Variants in C12orf56 observed in about 807,000 individuals in gnomAD.
C12orf56 encodes chromosome 12 open reading frame 56.
In C12orf56, 71 loss-of-function variants were observed where a neutral mutation model predicts 69.9. The ratio of observed to expected loss-of-function variants is 1.02; its 90% confidence interval spans 0.84 to 1.24. The LOEUF is 1.24. Among genes scored for constraint, C12orf56 ranks in the 50% most tolerant of loss-of-function variants. The probability of loss-of-function intolerance (pLI) is 0.00; values close to 1 mark genes in which losing one functional copy is unlikely to be tolerated. For missense variants in C12orf56, 732 were observed against 738.5 expected (o/e 0.99, Z 0.10); for synonymous variants, 276 against 274.1 (o/e 1.01, Z -0.07).
chr12:64,338,158 C>T (rs570697388), intron 2 of C12orf56: 22 of 564,314 alleles, frequency 3.9e-5, no homozygotes, highest in South Asian at 2.9e-4. Flanking sequence ...GGACGAGCTC[C>T]ACCTCCCGAA....
chr12:64,277,559 G>T, intron 9 of C12orf56, 121 bp downstream of exon 9: 1 of 633,506 alleles, frequency 1.6e-6, no homozygotes, highest in Non-Finnish European at 2.2e-6. Context: ...AATGACAAAA[G>T]ATCTACTCTT....
intron 8 of C12orf56, among the ~76,000 whole-genome samples, chr12:64,281,467 G>C (rs575807330): frequency 6.6e-6 from 1 of 152,192 alleles, no homozygotes; most frequent in South Asian, 2.1e-4. Flanking sequence ...AGCTACTTGA[G>C]AGGCTGAGGC....
chr12:64,267,114 T>C lies in C12orf56; in HGVS notation c.*69A>G. ...TATTAAACAAATAAAAAAATGTTTC[T>C]CGTGAATATCAAGTTGACTCTTGAT... is the stretch of plus-strand genomic sequence containing the variant. On this transcript the variant is annotated 3_prime_UTR_variant, in exon 13 of 13. Coordinates refer to ENST00000543942, the MANE Select transcript of C12orf56 (RefSeq NM_001170633.2). 1 of 1,166,504 alleles carries C rather than the reference T, an allele frequency of 8.6e-7. No individual in the cohort carries two copies. Among genetic ancestry groups the C allele is most frequent in the Non-Finnish European group, 1.2e-6 (1 of 826,864 alleles). The allele number at this position is 1,166,504 out of a possible 1,614,324, so 72.3% of individuals were successfully genotyped here.
At chr12:64,332,055 A>G (rs2038937606) in intron 2 of C12orf56, among the ~76,000 whole-genome samples, 1 of 152,092 alleles carries the variant, frequency 6.6e-6, no homozygotes, top group African/African-American at 2.4e-5. Flanking sequence ...TTGTAATTAC[A>G]GCAGTTTGGG....
chr12:64,308,100 C>T (rs2038540125), intron 5 of C12orf56, among the ~76,000 whole-genome samples: 1 of 151,706 alleles, frequency 6.6e-6, no homozygotes. Flanking sequence ...AGGTGGATTG[C>T]CTGAGCTTAG....
At chr12:64,353,929 C>A (rs1254274983) in intron 1 of C12orf56, among the ~76,000 whole-genome samples, 45 of 152,310 alleles carry the variant, frequency 3.0e-4, no homozygotes, top group Non-Finnish European at 2.9e-5. Context: ...GATCCACCTG[C>A]CTCGGCCTCC....
At chr12:64,375,796 T>C (rs1194644583) in intron 1 of C12orf56, among the ~76,000 whole-genome samples, 4 of 152,118 alleles carry the variant, frequency 2.6e-5, no homozygotes, top group African/African-American at 9.7e-5. Context: ...TAAAGTGTCA[T>C]CTTCTCTTAT....
At chr12:64,338,079 G>C in intron 2 of C12orf56, 1 of 420,750 alleles carries the variant, frequency 2.4e-6, no homozygotes, top group Non-Finnish European at 4.6e-6. Context: ...GGGCAGTAAA[G>C]AGGAAGCTAC....
intron 11 of C12orf56, among the ~76,000 whole-genome samples, chr12:64,273,514 C>T (rs2038015990): frequency 6.6e-6 from 1 of 152,178 alleles, no homozygotes; most frequent in Non-Finnish European, 1.5e-5. Context: ...GCACAACAGA[C>T]ATAGCTTCTA....
intron 3 of C12orf56, among the ~76,000 whole-genome samples, chr12:64,319,582 T>C (rs2038743410): frequency 6.6e-6 from 1 of 152,088 alleles, no homozygotes; most frequent in South Asian, 2.1e-4. Context: ...TTTTTTGTAG[T>C]GATGGTGAGA....
chr12:64,284,802 A>C, intron 7 of C12orf56, 49 bp from the exon 8 acceptor site: 1 of 1,395,178 alleles, frequency 7.2e-7, no homozygotes, highest in Non-Finnish European at 9.8e-7. Context: ...TTTCATTAGA[A>C]GCTCAGAATT....
At chr12:64,305,412 C>G (rs746689649) in intron 5 of C12orf56, among the ~76,000 whole-genome samples, 9 of 152,106 alleles carry the variant, frequency 5.9e-5, no homozygotes, top group Non-Finnish European at 1.0e-4. Context: ...GATAGTGTCT[C>G]ACTCTGTCAC....
intron 2 of C12orf56, among the ~76,000 whole-genome samples, chr12:64,331,593 C>A (rs2038930860): frequency 6.6e-6 from 1 of 152,152 alleles, no homozygotes; most frequent in Non-Finnish European, 1.5e-5. Flanking sequence ...GGGATTAGTA[C>A]CCTTATAAAA....
At chr12:64,297,763 A>C (rs1281908323) in intron 6 of C12orf56, among the ~76,000 whole-genome samples, 1 of 152,056 alleles carries the variant, frequency 6.6e-6, no homozygotes. Flanking sequence ...TATGTGCCAC[A>C]TTTTCTTAAT....
intron 11 of C12orf56, among the ~76,000 whole-genome samples, chr12:64,273,122 C>T (rs868119886): frequency 2.6e-5 from 4 of 151,862 alleles, no homozygotes; most frequent in Non-Finnish European, 5.9e-5. Context: ...GGCGAAACCC[C>T]GTCTGTACTA....
At chr12:64,341,290 T>A (rs1289784505) in intron 2 of C12orf56, among the ~76,000 whole-genome samples, 7 of 152,144 alleles carry the variant, frequency 4.6e-5, no homozygotes, top group Non-Finnish European at 8.8e-5. Context: ...TGGTGAGTGG[T>A]GCCACTTCCG....
At chr12:64,388,867 T>C (rs951092358) in intron 1 of C12orf56, among the ~76,000 whole-genome samples, 8 of 152,154 alleles carry the variant, frequency 5.3e-5, no homozygotes, top group African/African-American at 1.7e-4. Context: ...AAAAAATTGT[T>C]TTAGTTCAAG....
chr12:64,347,340 C>T (rs1220626196), intron 2 of C12orf56, among the ~76,000 whole-genome samples: 4 of 148,508 alleles, frequency 2.7e-5, no homozygotes. Context: ...GGCTGGAGCA[C>T]AGTGGCATGA....
intron 1 of C12orf56, among the ~76,000 whole-genome samples, chr12:64,374,376 C>T (rs2039613092): frequency 6.6e-6 from 1 of 152,144 alleles, no homozygotes; most frequent in African/African-American, 2.4e-5. Context: ...ACAGCAAAGA[C>T]ACCAGTCTGG....
Sources: gnomAD v4.1 joint callset for allele counts (sites outside exome capture counted in the v4.1 genomes callset) on GRCh38, gnomAD v4.1.1 for gene constraint, MANE v1.5 for transcripts, NCBI Gene and HGNC (gene_info 2026-07-23, HGNC 2026-07-21) for gene names.